Variants in COX6C observed in about 807,000 individuals in gnomAD.
COX6C encodes the protein cytochrome c oxidase polypeptide VIc.
COX6C carries 3 observed loss-of-function variants against 6.9 expected under a neutral mutation model. The ratio of observed to expected loss-of-function variants is 0.43; its 90% CI spans 0.20 to 1.12. The LOEUF (loss-of-function observed/expected upper bound fraction) is 1.12. Among genes scored for constraint, COX6C ranks in the 50% most tolerant of loss-of-function variants. COX6C has a pLI of 0.27. For synonymous variants in COX6C, 32 were observed against 32.0 expected (o/e 1.00, Z 0.00); for missense variants, 101 against 97.3 (o/e 1.04, Z -0.16).
intron 1 of COX6C, among the ~76,000 whole-genome samples, chr8:99,892,719 C>T (rs943301690): frequency 4.0e-5 from 6 of 149,266 alleles, no homozygotes; most frequent in African/African-American, 7.5e-5. Context: ...CCTAAATAAA[C>T]GCGACAAACT....
intron 2 of COX6C, among the ~76,000 whole-genome samples, chr8:99,891,508 A>G (rs1818031641): frequency 6.6e-6 from 1 of 152,196 alleles, no homozygotes; most frequent in Non-Finnish European, 1.5e-5. Flanking sequence ...AAAGAAAATG[A>G]AAAGAAGGGC....
rs530396970 is a variant in COX6C, at chr8:99,879,349, T to C, written c.*16-1084A>G. Among the ~76,000 whole-genome samples the C allele has an allele frequency of 5.9e-5, 9 of 152,220 alleles. No homozygotes were observed. The East Asian group carries it at 7.7e-4, about 13-fold the overall frequency. On this transcript the variant is annotated intron_variant, in intron 3 of 3. Coordinates refer to ENST00000520468, the MANE Select transcript of COX6C (RefSeq NM_004374.4). ...TCGTGGACACCCACCTAACAAACTA[T>C]ACTGTCCCAAATACTTTTTTTTAAA...
intron 3 of COX6C, among the ~76,000 whole-genome samples, chr8:99,884,037 T>G (rs1346089937): frequency 6.6e-6 from 1 of 152,206 alleles, no homozygotes; most frequent in South Asian, 2.1e-4. Flanking sequence ...TCTAGTATAC[T>G]GAACATGGAA....
intron 1 of COX6C, among the ~76,000 whole-genome samples, chr8:99,892,387 G>A (rs888754615): frequency 6.6e-6 from 1 of 152,030 alleles, no homozygotes; most frequent in Non-Finnish European, 1.5e-5. Context: ...CTGACTAAAC[G>A]CTGTCCTTTA....
intron 3 of COX6C, among the ~76,000 whole-genome samples, chr8:99,881,962 T>C (rs905725631): frequency 6.6e-6 from 1 of 152,114 alleles, no homozygotes. Flanking sequence ...TCAGACAAAA[T>C]AGACCAAGTC....
At chr8:99,885,574 T>C (rs907811024) in intron 3 of COX6C, among the ~76,000 whole-genome samples, 5 of 152,212 alleles carry the variant, frequency 3.3e-5, no homozygotes, top group Non-Finnish European at 7.3e-5. Context: ...CAATCTTAAA[T>C]GATTTCGGGA....
intron 1 of COX6C, among the ~76,000 whole-genome samples, chr8:99,892,301 G>A (rs955969218): frequency 3.9e-5 from 6 of 152,138 alleles, no homozygotes; most frequent in African/African-American, 7.2e-5. Context: ...CGGCCTACAA[G>A]TGAGTTAAGA....
intron 1 of COX6C, 77 bp from the exon 2 acceptor site, chr8:99,892,129 T>C (rs181775720): frequency 1.4e-4 from 106 of 765,568 alleles, no homozygotes; most frequent in Middle Eastern, 9.4e-4. Flanking sequence ...CCTGGAAGCA[T>C]TGATTGGAGC....
intron 1 of COX6C, chr8:99,892,937 C>T (rs895554914): frequency 1.3e-5 from 2 of 152,230 alleles, no homozygotes; most frequent in African/African-American, 4.8e-5. Context: ...CACGGTATAC[C>T]ATTAAAACCT....
Position 99,887,622 on chromosome 8 carries a change from A to C in COX6C, c.115-4T>G. ...TTCTTTGATCAGCCACACGAAACTA[A>C]AAAGCAACCATCCATTAGAGTTTAT... is the stretch of plus-strand genomic sequence containing the variant. On this transcript the variant is annotated splice_polypyrimidine_tract_variant and splice_region_variant and intron_variant, in intron 2 of 3. Transcript: ENST00000520468. 1 of 1,573,862 alleles carries C rather than the reference A, an allele frequency of 6.4e-7. No homozygotes were observed. The highest frequency in any genetic ancestry group is 8.6e-7 in the Non-Finnish European group (1 of 1,158,160).
rs1394373068 is a variant in COX6C at position 99,878,111 on chromosome 8, A to G, written c.*170T>C. The G allele has an allele frequency of 6.6e-6, 1 of 152,240 alleles. No individual in the cohort carries two copies. The highest frequency in any genetic ancestry group is 1.5e-5 in the Non-Finnish European group (1 of 68,034). 9.4% of individuals were successfully genotyped at this position (152,240 alleles called of 1,614,324 possible). On this transcript the variant is annotated 3_prime_UTR_variant, in exon 4 of 4. Coordinates refer to ENST00000520468, the MANE Select transcript of COX6C (RefSeq NM_004374.4). ...ATTCTTATGCTAGTAAGTGCCCTGC[A>G]TTATCATTAAGAACTGAGAAAGACT...
At chr8:99,879,205 TCAGCACAC>T (rs1392046094) in intron 3 of COX6C, among the ~76,000 whole-genome samples, 2 of 152,222 alleles carry the variant, frequency 1.3e-5, no homozygotes, top group Non-Finnish European at 2.9e-5. Context: ...TGACTTTCCA[TCAGCACAC>T]CAGTCAGTCC....
At position 99,882,263 on chromosome 8, in the gene COX6C, C is replaced by G. The variant is rs554434218; in HGVS notation, c.*16-3998G>C. On this transcript the variant is annotated intron_variant, in intron 3 of 3. Coordinates refer to ENST00000520468, the MANE Select transcript of COX6C (RefSeq NM_004374.4). ...GGACTTAACAAAACACTCCAGCTAACAACAGAATACACATTTTTCCCAAGA... is the reference window on the plus strand; with the variant it reads ...GGACTTAACAAAACACTCCAGCTAAGAACAGAATACACATTTTTCCCAAGA... 2.4e-4 allele frequency among the ~76,000 whole-genome samples: 37 copies of G among 152,138 alleles called. 1 individual carries two copies. The highest frequency in any genetic ancestry group is 4.3e-4 in the Non-Finnish European group (29 of 68,006).
At chr8:99,879,216 G>GTC (rs1817814499) in intron 3 of COX6C, among the ~76,000 whole-genome samples, 1 of 152,150 alleles carries the variant, frequency 6.6e-6, no homozygotes, top group Non-Finnish European at 1.5e-5. Flanking sequence ...CAGCACACCA[G>GTC]TCAGTCCTTT....
intron 3 of COX6C, among the ~76,000 whole-genome samples, chr8:99,879,611 A>G (rs1817827556): frequency 6.6e-6 from 1 of 152,228 alleles, no homozygotes; most frequent in African/African-American, 2.4e-5. Flanking sequence ...GGAACCACCT[A>G]TCCAAGAAAA....
intron 3 of COX6C, among the ~76,000 whole-genome samples, chr8:99,885,435 T>C (rs1292450242): frequency 6.6e-6 from 1 of 152,196 alleles, no homozygotes. Flanking sequence ...AACGGACTAC[T>C]GTAATCAAAA....
At chr8:99,882,309 G>A (rs1588826303) in intron 3 of COX6C, among the ~76,000 whole-genome samples, 1 of 152,108 alleles carries the variant, frequency 6.6e-6, no homozygotes, top group Non-Finnish European at 1.5e-5. Flanking sequence ...CATTCTCCAA[G>A]ACAAACCATA....
At chr8:99,884,598 CG>C in intron 3 of COX6C, among the ~76,000 whole-genome samples, 1 of 152,122 alleles carries the variant, frequency 6.6e-6, no homozygotes, top group Middle Eastern at 3.4e-3. Context: ...AGGAAAAGTA[CG>C]GAAAGAAATG....
intron 3 of COX6C, among the ~76,000 whole-genome samples, chr8:99,884,137 C>T (rs1235150944): frequency 1.3e-5 from 2 of 152,096 alleles, no homozygotes; most frequent in African/African-American, 4.8e-5. Flanking sequence ...AAGTCCTAGC[C>T]AGAGCAATGA....
Sources: allele counts gnomAD v4.1 joint callset (sites outside exome capture counted in the v4.1 genomes callset), GRCh38; gene constraint gnomAD v4.1.1; transcripts MANE v1.5; gene names NCBI Gene and HGNC (gene_info 2026-07-23, HGNC 2026-07-21).